HADH: variants seen among roughly 807,000 people sequenced by gnomAD.
HADH encodes the protein hydroxyacyl-coenzyme A dehydrogenase, mitochondrial.
A neutral mutation model predicts 32.2 loss-of-function variants in HADH; 24 were observed. That is an observed-to-expected ratio of 0.75 (90% CI 0.54 to 1.05). HADH has a LOEUF of 1.05. Among genes scored for constraint, HADH ranks in the 50% least tolerant of loss-of-function variants. The pLI is 0.00. For synonymous variants in HADH, 139 were observed against 152.5 expected (o/e 0.91, Z 0.65); for missense variants, 350 against 397.1 (o/e 0.88, Z 1.01).
At chr4:108,007,275 T>G (rs1358152231) in intron 1 of HADH, among the ~76,000 whole-genome samples, 1 of 151,938 alleles carries the variant, frequency 6.6e-6, no homozygotes, top group African/African-American at 2.4e-5. Context: ...CCCGGCTAAT[T>G]TTTTGTATTT....
rs183546617 is a variant in HADH, at chr4:107,996,818, C to T, written c.132+6754C>T. ...CTGAGGTGGAAGAATTGCTTGAACC[C>T]AGGAGGCGGAGGATGCAGTGAGCCA... On this transcript the variant is annotated intron_variant, in intron 1 of 7. Coordinates refer to ENST00000309522, the MANE Select transcript of HADH (RefSeq NM_005327.7). Among the ~76,000 whole-genome samples the T allele has an allele frequency of 1.1e-3, 162 of 151,640 alleles. No individual in the cohort carries two copies. In the East Asian group the frequency reaches 0.024, roughly 22 times the overall value.
chr4:108,033,478 A>T (rs1229819191), intron 7 of HADH, among the ~76,000 whole-genome samples, 186 bp downstream of exon 7: 1 of 152,216 alleles, frequency 6.6e-6, no homozygotes, highest in Non-Finnish European at 1.5e-5. Context: ...GTGTCTCTTT[A>T]ACAGGGTGAC....
chr4:108,004,289 G>C (rs1393136265), intron 1 of HADH, among the ~76,000 whole-genome samples: 1 of 152,258 alleles, frequency 6.6e-6, no homozygotes, highest in Non-Finnish European at 1.5e-5. Flanking sequence ...GGCATGCGCA[G>C]CGTGGTGGTC....
In HADH at chr4:108,033,165, T is replaced by A. The variant is rs1489670760; in HGVS notation, c.710-11T>A. On this transcript the variant is annotated splice_polypyrimidine_tract_variant and intron_variant, in intron 6 of 7. Transcript: ENST00000309522. ...GGTGGTGGTGACCCAGTGCTGCCGT[T>A]TTCTCCTTAGGTGACGCATCCAAAG... 1 of 1,431,838 alleles carries A rather than the reference T, an allele frequency of 7.0e-7. No homozygotes were observed. The highest frequency in any genetic ancestry group is 9.9e-7 in the Non-Finnish European group (1 of 1,013,970). The allele number at this position is 1,431,838 out of a possible 1,614,324, so 88.7% of individuals were successfully genotyped here. A position where few individuals can be genotyped will look rare whatever the true frequency, so the allele number is the denominator to read the frequency against.
Position 108,019,614 on chromosome 4 carries a change from G to A in HADH, c.494G>A (p.Arg165Gln), listed in dbSNP as rs768880930. ...GCTAATGCCACCACCAGACAAGACCGATTCGCTGGCCTCCATTTCTTCAAC... is the reference window on the plus strand; with the variant it reads ...GCTAATGCCACCACCAGACAAGACCAATTCGCTGGCCTCCATTTCTTCAAC... ...SIANATTRQD[R>Q]FAGLHFFNPV... The change falls in exon 4 of 8, where the codon CGA (arginine) becomes CAA (glutamine). Residue 165 changes from arginine (R) to glutamine (Q), a missense_variant. Coordinates refer to ENST00000309522, the MANE Select transcript of HADH (RefSeq NM_005327.7). The A allele has an allele frequency of 2.4e-5, 38 of 1,613,986 alleles. No individual in the cohort carries two copies. Among genetic ancestry groups the A allele is most frequent in the South Asian group, 1.6e-4 (15 of 91,088 alleles).
rs1180092997 is a variant in HADH, at chr4:108,034,744, C to G, written c.*387C>G. On this transcript the variant is annotated 3_prime_UTR_variant, in exon 8 of 8. Transcript: ENST00000309522. ...GCTCACTGTTGCTGCGTGGGAGAGT[C>G]ACAAGCCACTGGCAAGCAAGTGGTA... The G allele has an allele frequency of 1.7e-5, 6 of 348,430 alleles. No homozygotes were observed. Among genetic ancestry groups the G allele is most frequent in the Non-Finnish European group, 2.3e-5 (4 of 177,322 alleles). The allele number at this position is 348,430 out of a possible 1,614,324, so 21.6% of individuals were successfully genotyped here.
chr4:108,019,481 C>T, intron 3 of HADH, 59 bp from the exon 4 acceptor site: 1 of 1,501,356 alleles, frequency 6.7e-7, no homozygotes, highest in Non-Finnish European at 9.3e-7. Context: ...ATCCAAGAGT[C>T]ATGCTGTTTT....
chr4:108,007,000 A>G (rs1331285757), intron 1 of HADH, among the ~76,000 whole-genome samples: 1 of 152,200 alleles, frequency 6.6e-6, no homozygotes, highest in Admixed American at 6.5e-5. Flanking sequence ...AGTCTTGGAA[A>G]ACGCAGATTA....
At chr4:108,032,043 T>A (rs1223134315) in intron 6 of HADH, 1 of 311,298 alleles carries the variant, frequency 3.2e-6, no homozygotes, top group Non-Finnish European at 5.9e-6. Flanking sequence ...TGGAATTACT[T>A]TAGTAATTTA....
chr4:108,004,940 T>A (rs1735245353), intron 1 of HADH: 1 of 1,510,978 alleles, frequency 6.6e-7, no homozygotes, highest in South Asian at 1.2e-5. Flanking sequence ...TAAACTAGTA[T>A]TCAGGATGTT....
intron 3 of HADH, among the ~76,000 whole-genome samples, chr4:108,019,177 T>C (rs1341344913): frequency 6.6e-6 from 1 of 152,206 alleles, no homozygotes; most frequent in Non-Finnish European, 1.5e-5. Context: ...CGTTTGTGAC[T>C]GGGGTTGGTT....
At chr4:107,992,272 A>C (rs531038556) in intron 1 of HADH, among the ~76,000 whole-genome samples, 2 of 152,364 alleles carry the variant, frequency 1.3e-5, no homozygotes, top group African/African-American at 4.8e-5. Context: ...AAAGACCAGA[A>C]ATCTATAAAG....
chr4:108,000,383 G>A (rs771246419), intron 1 of HADH, among the ~76,000 whole-genome samples: 2 of 152,168 alleles, frequency 1.3e-5, no homozygotes, highest in Non-Finnish European at 2.9e-5. Context: ...TCACATCTGG[G>A]ATTTCTCCTA....
intron 2 of HADH, among the ~76,000 whole-genome samples, chr4:108,012,183 C>T (rs904690726): frequency 6.6e-6 from 1 of 152,042 alleles, no homozygotes; most frequent in Non-Finnish European, 1.5e-5. Context: ...AAGCATAAGC[C>T]ACCGAGTCCT....
At chr4:108,017,411 G>A (rs1735730722) in intron 3 of HADH, among the ~76,000 whole-genome samples, 1 of 152,080 alleles carries the variant, frequency 6.6e-6, no homozygotes, top group South Asian at 2.1e-4. Flanking sequence ...AGGGTCTGGG[G>A]CCATTGCTAA....
At chr4:107,996,764 C>A (rs1487349194) in intron 1 of HADH, among the ~76,000 whole-genome samples, 1 of 152,056 alleles carries the variant, frequency 6.6e-6, no homozygotes, top group Non-Finnish European at 1.5e-5. Context: ...CATGGTGACA[C>A]ATGCCTGCAG....
intron 3 of HADH, among the ~76,000 whole-genome samples, chr4:108,017,736 G>A (rs1274839673): frequency 1.3e-5 from 2 of 151,996 alleles, no homozygotes; most frequent in African/African-American, 2.4e-5. Flanking sequence ...TGTATTTTTA[G>A]TAGAGACGGG....
At chr4:108,005,171 G>A (rs1735254983) in intron 1 of HADH, 1 of 284,770 alleles carries the variant, frequency 3.5e-6, no homozygotes, top group African/African-American at 2.2e-5. Flanking sequence ...GGGTCTTTGG[G>A]GATCTAAAAC....
chr4:107,990,520 C>T (rs1337445877), intron 1 of HADH, among the ~76,000 whole-genome samples: 1 of 152,208 alleles, frequency 6.6e-6, no homozygotes, highest in Admixed American at 6.5e-5. Flanking sequence ...ATTGTGCAGT[C>T]TTTGTCAAAG....
Sources: allele counts gnomAD v4.1 joint callset (sites outside exome capture counted in the v4.1 genomes callset), GRCh38; gene constraint gnomAD v4.1.1; transcripts MANE v1.5; gene names NCBI Gene and HGNC (gene_info 2026-07-23, HGNC 2026-07-21).